KIF6: variants seen among roughly 807,000 people sequenced by gnomAD.
KIF6 encodes the protein kinesin family member 6.
Under a neutral mutation model 112.7 loss-of-function variants are expected in KIF6, and 106 were observed. The ratio of observed to expected loss-of-function variants is 0.94; its 90% CI spans 0.80 to 1.11. The LOEUF (loss-of-function observed/expected upper bound fraction) is 1.11. Among genes scored for constraint, KIF6 ranks in the 50% least tolerant of loss-of-function variants. The pLI, the probability that KIF6 is intolerant of heterozygous loss-of-function variation, is 0.00. For synonymous variants in KIF6, 339 were observed against 339.9 expected, an observed-to-expected ratio of 1.00 and a Z score of 0.03; for missense variants, 929 against 964.0, an observed-to-expected ratio of 0.96 and a Z score of 0.48.
chr6:39,385,125 A>G (rs924919622), intron 16 of KIF6, among the ~76,000 whole-genome samples: 1 of 152,234 alleles, frequency 6.6e-6, no homozygotes, highest in Non-Finnish European at 1.5e-5. Context: ...CACTGGCTAC[A>G]TGACCTTGGG....
intron 3 of KIF6, among the ~76,000 whole-genome samples, chr6:39,644,084 A>G (rs1785042760): frequency 6.6e-6 from 1 of 152,164 alleles, no homozygotes; most frequent in Admixed American, 6.6e-5. Flanking sequence ...AAGATGCTCA[A>G]CATAATTGGT....
chr6:39,445,157 C>A (rs1772226623), intron 13 of KIF6, among the ~76,000 whole-genome samples: 1 of 152,214 alleles, frequency 6.6e-6, no homozygotes. Context: ...ACAGTCTCCA[C>A]ATTAAATAGG....
chr6:39,634,922 A>G lies in KIF6; in HGVS notation c.436T>C (p.Leu146=). Residue 146 remains leucine, a synonymous_variant, in exon 5 of 23, where the codon TTG becomes CTG. Coordinates refer to ENST00000287152, the MANE Select transcript of KIF6 (RefSeq NM_145027.6). ...SKIYTTHISY[L]EIYNECGYDL... is the part of the protein sequence containing the mutation. ...TAACCACATTCATTGTAGATTTCCAAATAGGAAATGTGTGTTGTATATATT... is the reference window on the plus strand; with the variant it reads ...TAACCACATTCATTGTAGATTTCCAGATAGGAAATGTGTGTTGTATATATT... 7 of 1,611,654 alleles carry G rather than the reference A, an allele frequency of 4.3e-6. No homozygotes were observed. The South Asian group carries it at 4.4e-5, about 10-fold the overall frequency.
chr6:39,525,026 G>T (rs1340534522), intron 13 of KIF6, among the ~76,000 whole-genome samples: 2 of 152,218 alleles, frequency 1.3e-5, no homozygotes, highest in Non-Finnish European at 2.9e-5. Context: ...GGGTTCCCAT[G>T]CCCAGAACCA....
intron 13 of KIF6, among the ~76,000 whole-genome samples, chr6:39,448,577 A>C (rs1256185787): frequency 6.6e-6 from 1 of 152,182 alleles, no homozygotes; most frequent in Non-Finnish European, 1.5e-5. Flanking sequence ...ACAGCTGACA[A>C]GCTCCCTCCT....
chr6:39,337,356 A>G (rs763908697), intron 22 of KIF6, among the ~76,000 whole-genome samples: 29 of 143,140 alleles, frequency 2.0e-4, no homozygotes, highest in Non-Finnish European at 3.9e-4. Context: ...TCTGTTACCC[A>G]GGCTGGAGTG....
chr6:39,619,732 G>A (rs1367605278), intron 5 of KIF6, among the ~76,000 whole-genome samples: 1 of 152,182 alleles, frequency 6.6e-6, no homozygotes, highest in Non-Finnish European at 1.5e-5. Flanking sequence ...TGCAATTAAT[G>A]TGTAGGAGAA....
chr6:39,541,750 G>A (rs1778801492), intron 12 of KIF6, among the ~76,000 whole-genome samples: 1 of 152,112 alleles, frequency 6.6e-6, no homozygotes, highest in South Asian at 2.1e-4. Context: ...CTATACATTG[G>A]GTGCTACAAA....
intron 13 of KIF6, among the ~76,000 whole-genome samples, chr6:39,474,779 T>C (rs1016556328): frequency 6.6e-6 from 1 of 152,240 alleles, no homozygotes; most frequent in Non-Finnish European, 1.5e-5. Context: ...CATGCTTATC[T>C]CTGGATAAGT....
chr6:39,368,317 A>C (rs1765726940), intron 16 of KIF6, among the ~76,000 whole-genome samples: 1 of 152,044 alleles, frequency 6.6e-6, no homozygotes, highest in South Asian at 2.1e-4. Flanking sequence ...ATAATCTACA[A>C]CTCCCACTCC....
chr6:39,685,203 G>A (rs538788058), intron 3 of KIF6, among the ~76,000 whole-genome samples: 4 of 152,318 alleles, frequency 2.6e-5, no homozygotes, highest in East Asian at 1.9e-4. Flanking sequence ...AAAAATCAGC[G>A]ATGCTGTGGA....
At chr6:39,618,468 C>G (rs752690808) in intron 5 of KIF6, among the ~76,000 whole-genome samples, 1 of 152,144 alleles carries the variant, frequency 6.6e-6, no homozygotes, top group African/African-American at 2.4e-5. Flanking sequence ...AGGTTGGACA[C>G]GCTTCGTTAT....
chr6:39,472,503 C>A (rs1031869217), intron 13 of KIF6, among the ~76,000 whole-genome samples: 1 of 152,156 alleles, frequency 6.6e-6, no homozygotes, highest in Non-Finnish European at 1.5e-5. Context: ...GTGGTCAGTG[C>A]CAACTGCAAT....
chr6:39,527,329 C>A (rs976297950), intron 13 of KIF6, among the ~76,000 whole-genome samples: 1 of 152,124 alleles, frequency 6.6e-6, no homozygotes, highest in Non-Finnish European at 1.5e-5. Context: ...CCTCTATCTC[C>A]CTATGTTCCT....
intron 13 of KIF6, among the ~76,000 whole-genome samples, chr6:39,460,743 G>T (rs903898239): frequency 2.0e-5 from 3 of 151,912 alleles, no homozygotes; most frequent in African/African-American, 7.3e-5. Flanking sequence ...CTTGAATGTG[G>T]GTGACAAAAT....
intron 14 of KIF6, among the ~76,000 whole-genome samples, chr6:39,424,213 C>T (rs755386767): frequency 2.6e-5 from 4 of 152,200 alleles, no homozygotes; most frequent in Non-Finnish European, 5.9e-5. Flanking sequence ...TTTCCTCTGA[C>T]TAATTTCTGC....
At chr6:39,577,530 C>G (rs531522122) in intron 10 of KIF6, among the ~76,000 whole-genome samples, 7 of 152,344 alleles carry the variant, frequency 4.6e-5, no homozygotes, top group African/African-American at 1.4e-4. Flanking sequence ...GGCTGCAAAT[C>G]TAAAGGCTCT....
chr6:39,399,947 G>T (rs1350583875), intron 15 of KIF6, among the ~76,000 whole-genome samples: 1 of 152,250 alleles, frequency 6.6e-6, no homozygotes, highest in Non-Finnish European at 1.5e-5. Flanking sequence ...TGCCCAGCAG[G>T]CAGCAGCCCC....
At chr6:39,691,275 T>C (rs545748641) in intron 3 of KIF6, 1 of 152,244 alleles carries the variant, frequency 6.6e-6, no homozygotes, top group Non-Finnish European at 1.5e-5. Flanking sequence ...ATACACGCAT[T>C]TGAGGTAGCA....
Sources: gnomAD v4.1 joint callset for allele counts (sites outside exome capture counted in the v4.1 genomes callset) on GRCh38, gnomAD v4.1.1 for gene constraint, MANE v1.5 for transcripts, NCBI Gene and HGNC (gene_info 2026-07-23, HGNC 2026-07-21) for gene names.